Variants in TBL1X observed in about 807,000 individuals in gnomAD.
The protein encoded by TBL1X is transducin beta like 1 X-linked.
TBL1X carries 10 observed loss-of-function variants against 50.7 expected under a neutral mutation model. The observed-to-expected ratio is 0.20, with a 90% CI of 0.12 to 0.33. The LOEUF (loss-of-function observed/expected upper bound fraction) is 0.33. Ranked by LOEUF, TBL1X falls within the 10% of genes least tolerant of loss-of-function variation. TBL1X has a pLI of 1.00. For missense variants in TBL1X, 340 were observed against 504.4 expected (o/e 0.67, Z 3.12); for synonymous variants, 190 against 214.7 (o/e 0.88, Z 1.01).
At position 9,582,346 on chromosome X, in the gene TBL1X, G is replaced by A. The variant is rs1364092869; in HGVS notation, c.-130-57927G>A. Among the ~76,000 whole-genome samples the A allele has an allele frequency of 2.7e-5, 3 of 112,286 alleles. No homozygotes were observed. In the Admixed American group the frequency reaches 2.8e-4, roughly 11 times the overall value. On this transcript the variant is annotated intron_variant, in intron 2 of 17. Coordinates refer to ENST00000645353, the MANE Select transcript of TBL1X (RefSeq NM_005647.4). Reference sequence around the variant, plus strand: ...TTGCAAGCAATTTGCTTCCCTTTGGGAATCTGATTCCATAGAAAACAGTAG... The same window carrying A: ...TTGCAAGCAATTTGCTTCCCTTTGGAAATCTGATTCCATAGAAAACAGTAG...
In TBL1X at chrX:9,688,200, G is replaced by A. The variant is rs150948479; in HGVS notation, c.541G>A (p.Gly181Ser). ...AATAATTTSA[G>S]VSHQNPSKNR... ...GACAGCAGCCACCACGACCTCAGCC[G>A]GCGTTTCCCACCAAAATCCATCGAA... The change falls in exon 7 of 18, where the codon GGC becomes AGC. Residue 181 changes from glycine to serine, a missense_variant. Gly to Ser is a moderately conservative substitution (Grantham distance 56). Around this residue, in one of 6 missense-constraint regions of TBL1X, gnomAD observed 99 missense variants for 93.3 expected, o/e 1.06. Coordinates refer to ENST00000645353, the MANE Select transcript of TBL1X (RefSeq NM_005647.4). 87 of 1,197,213 alleles carry A rather than the reference G, an allele frequency of 7.3e-5. No homozygotes were observed. The African/African-American group carries it at 1.4e-3, about 19-fold the overall frequency.
intron 1 of TBL1X, among the ~76,000 whole-genome samples, chrX:9,485,630 A>G (rs1488714477): frequency 8.9e-6 from 1 of 111,943 alleles, no homozygotes; most frequent in Non-Finnish European, 1.9e-5. Context: ...ACCCGCCCAC[A>G]TGAGACGAGT....
At position 9,482,969 on chromosome X, in the gene TBL1X, A is replaced by G. The variant is rs1425759163; in HGVS notation, c.-201+17522A>G. Reference sequence around the variant, plus strand: ...CTCTACTAAAATGCCCATGGTCTTTATGCAGCCGGCAGGAAGAACCCCTCA... The same window carrying G: ...CTCTACTAAAATGCCCATGGTCTTTGTGCAGCCGGCAGGAAGAACCCCTCA... On this transcript the variant is annotated intron_variant, in intron 1 of 17. Coordinates refer to ENST00000645353, the MANE Select transcript of TBL1X (RefSeq NM_005647.4). Among the ~76,000 whole-genome samples, 13 of 111,132 alleles carry G rather than the reference A, an allele frequency of 1.2e-4. No individual in the cohort carries two copies. The Admixed American group carries it at 1.3e-3, about 11-fold the overall frequency.
At chrX:9,657,530 A>G (rs1323123553) in intron 5 of TBL1X, among the ~76,000 whole-genome samples, 2 of 112,713 alleles carry the variant, frequency 1.8e-5, no homozygotes, top group Non-Finnish European at 3.8e-5. Flanking sequence ...TTGAAGAAGG[A>G]TCCAAGACAC....
At chrX:9,624,906 T>C (rs2082684771) in intron 2 of TBL1X, among the ~76,000 whole-genome samples, 1 of 112,654 alleles carries the variant, frequency 8.9e-6, no homozygotes, top group South Asian at 3.6e-4. Context: ...GTCTGAATTT[T>C]TTTTCTCATC....
intron 2 of TBL1X, among the ~76,000 whole-genome samples, chrX:9,621,067 C>T (rs2082664465): frequency 9.0e-6 from 1 of 111,528 alleles, no homozygotes; most frequent in African/African-American, 3.3e-5. Flanking sequence ...AGAAGAGAGA[C>T]GAGATGCCAT....
intron 2 of TBL1X, among the ~76,000 whole-genome samples, chrX:9,625,403 C>T (rs2082687269): frequency 1.8e-5 from 2 of 111,840 alleles, no homozygotes; most frequent in Non-Finnish European, 3.8e-5. Flanking sequence ...CTTAGTGGCA[C>T]AGAGAGGTTA....
At chrX:9,499,349 T>C (rs1045398263) in intron 1 of TBL1X, among the ~76,000 whole-genome samples, 2 of 111,552 alleles carry the variant, frequency 1.8e-5, no homozygotes, top group Non-Finnish European at 3.8e-5. Context: ...CCTCGCCCGC[T>C]AGTCATTACA....
At chrX:9,588,217 G>T (rs948546819) in intron 2 of TBL1X, among the ~76,000 whole-genome samples, 1 of 111,666 alleles carries the variant, frequency 9.0e-6, no homozygotes, top group East Asian at 2.8e-4. Flanking sequence ...GAGGATGAGC[G>T]GTTATATGCA....
chrX:9,465,485 C>G (rs1438680850), intron 1 of TBL1X, 38 bp downstream of exon 1: 4 of 111,798 alleles, frequency 3.6e-5, no homozygotes, highest in African/African-American at 1.3e-4. Flanking sequence ...GCGCGGGGTC[C>G]GCAAACTTCT....
At chrX:9,615,076 A>G (rs2082632896) in intron 2 of TBL1X, among the ~76,000 whole-genome samples, 1 of 111,682 alleles carries the variant, frequency 9.0e-6, no homozygotes, top group South Asian at 3.8e-4. Flanking sequence ...CTAGGGTACA[A>G]GCACTCTGGG....
Position 9,702,700 on chromosome X carries a change from C to CT in TBL1X, c.1115-2292dup, listed in dbSNP as rs778713183. 2.7e-5 allele frequency among the ~76,000 whole-genome samples: 3 copies of CT among 111,616 alleles called. No individual in the cohort carries two copies. The East Asian group carries it at 8.4e-4, about 31-fold the overall frequency. On this transcript the variant is annotated intron_variant, in intron 12 of 17. Transcript: ENST00000645353. ...CCAGAGCCTGGCAGAAGCTAACCCT[C>CT]TCTTTCCCCTAGAAGCAATGCTTCA...
At chrX:9,660,614 C>T (rs1030866720) in intron 5 of TBL1X, among the ~76,000 whole-genome samples, 4 of 111,723 alleles carry the variant, frequency 3.6e-5, no homozygotes, top group African/African-American at 6.5e-5. Flanking sequence ...ATTTATTATA[C>T]ATTTTTCTTG....
At chrX:9,567,626 C>G (rs2082358362) in intron 2 of TBL1X, among the ~76,000 whole-genome samples, 1 of 112,271 alleles carries the variant, frequency 8.9e-6, no homozygotes, top group South Asian at 3.7e-4. Context: ...GCAGGGCTGT[C>G]TTGCCCAGGT....
At chrX:9,606,805 C>T (rs926134414) in intron 2 of TBL1X, among the ~76,000 whole-genome samples, 3 of 112,415 alleles carry the variant, frequency 2.7e-5, no homozygotes, top group South Asian at 3.7e-4. Flanking sequence ...AATGGACGAG[C>T]GTCCTCAGCT....
chrX:9,711,296 C>G (rs1159229451), intron 15 of TBL1X, among the ~76,000 whole-genome samples: 2 of 106,996 alleles, frequency 1.9e-5, no homozygotes, highest in Non-Finnish European at 3.9e-5. Flanking sequence ...GAGTCATGAT[C>G]ACGCCACTGC....
At chrX:9,475,138 T>C (rs1040775548) in intron 1 of TBL1X, among the ~76,000 whole-genome samples, 2 of 112,343 alleles carry the variant, frequency 1.8e-5, no homozygotes, top group Non-Finnish European at 3.8e-5. Flanking sequence ...TCTCCCAAAG[T>C]GGTGGGATTA....
At chrX:9,499,817 A>C (rs1170974661) in intron 1 of TBL1X, among the ~76,000 whole-genome samples, 1 of 110,289 alleles carries the variant, frequency 9.1e-6, no homozygotes, top group Non-Finnish European at 1.9e-5. Context: ...CTCTACTAAA[A>C]ATACAAAAAT....
chrX:9,561,050 A>G (rs1011122615), intron 2 of TBL1X, among the ~76,000 whole-genome samples: 1 of 111,824 alleles, frequency 8.9e-6, no homozygotes, highest in Non-Finnish European at 1.9e-5. Flanking sequence ...TTGGGAACAC[A>G]GGCCTAAAAG....
Sources: allele counts gnomAD v4.1 joint callset (sites outside exome capture counted in the v4.1 genomes callset), GRCh38; gene constraint gnomAD v4.1.1; regional missense constraint gnomAD v4.1.1; transcripts MANE v1.5; gene names NCBI Gene and HGNC (gene_info 2026-07-23, HGNC 2026-07-21).